Variants in TDRKH observed in about 807,000 individuals in gnomAD.
TDRKH encodes tudor and KH domain containing.
In TDRKH, 28 loss-of-function variants were observed where a neutral mutation model predicts 61.3. The observed-to-expected ratio is 0.46, with a 90% CI of 0.34 to 0.63. The LOEUF (loss-of-function observed/expected upper bound fraction) is 0.63. Among genes scored for constraint, TDRKH ranks in the 20% least tolerant of loss-of-function variants. The probability of loss-of-function intolerance (pLI) is 0.01; values close to 1 mark genes in which losing one functional copy is unlikely to be tolerated. For missense variants in TDRKH, 540 were observed against 683.4 expected, an observed-to-expected ratio of 0.79 and a Z score of 2.34; for synonymous variants, 219 against 244.4, an observed-to-expected ratio of 0.90 and a Z score of 0.97.
At chr1:151,788,726 A>G (rs546112954) in intron 1 of TDRKH, among the ~76,000 whole-genome samples, 1 of 152,298 alleles carries the variant, frequency 6.6e-6, no homozygotes, top group South Asian at 2.1e-4. Flanking sequence ...GGCCAGTCAT[A>G]ATCACACCTC....
At position 151,775,467 on chromosome 1, in the gene TDRKH, G is replaced by T. The variant is rs748046177; in HGVS notation, c.1359C>A (p.Ala453=). 14 of 1,614,010 alleles carry T rather than the reference G, an allele frequency of 8.7e-6. No individual in the cohort carries two copies. The highest frequency in any genetic ancestry group is 1.7e-5 in the Admixed American group (1 of 59,996). Reference sequence around the variant, plus strand: ...CAGTCTGGACATAGCTAGAGATCTTGGCTACCAGAGGCTTCCAGTCAGCAC... The same window carrying T: ...CAGTCTGGACATAGCTAGAGATCTTTGCTACCAGAGGCTTCCAGTCAGCAC... The part of the protein sequence containing the change: ...THCADWKPLV[A]KISSYVQTGI... Residue 453 remains alanine, a synonymous_variant, in exon 10 of 13, where the codon GCC becomes GCA. Coordinates refer to ENST00000368824, the MANE Select transcript of TDRKH (RefSeq NM_001083965.2).
downstream of TDRKH, chr1:151,767,030 A>T (rs1648381614): frequency 7.0e-7 from 1 of 1,422,398 alleles, no homozygotes. Context: ...GAATTTTTCC[A>T]TCTGGTTGGG....
At chr1:151,775,958 C>G in intron 8 of TDRKH, 74 bp from the exon 9 acceptor site, 2 of 1,584,358 alleles carry the variant, frequency 1.3e-6, no homozygotes, top group Non-Finnish European at 1.7e-6. Context: ...TCAGAAAGAA[C>G]CAACTAACAT....
chr1:151,784,094 AG>A (rs1468068736), intron 1 of TDRKH, among the ~76,000 whole-genome samples: 1 of 152,224 alleles, frequency 6.6e-6, no homozygotes, highest in Non-Finnish European at 1.5e-5. Context: ...TCACTAAAAA[AG>A]GAGAGCATTC....
downstream of TDRKH, chr1:151,767,058 AGGCT>A (rs1481223676): frequency 2.1e-5 from 31 of 1,498,996 alleles, no homozygotes; most frequent in Non-Finnish European, 2.5e-5. Flanking sequence ...ACATAGAAAC[AGGCT>A]GGACAACAGA....
chr1:151,787,130 A>G (rs1650387966), intron 1 of TDRKH, among the ~76,000 whole-genome samples: 1 of 152,218 alleles, frequency 6.6e-6, no homozygotes, highest in African/African-American at 2.4e-5. Context: ...TCTTGAATAC[A>G]CACCTCCCAA....
At chr1:151,784,609 C>T (rs571502693) in intron 1 of TDRKH, among the ~76,000 whole-genome samples, 64 of 152,310 alleles carry the variant, frequency 4.2e-4, no homozygotes, top group Admixed American at 2.0e-3. Context: ...TTTCCTCTTT[C>T]CTTTCTGGCT....
chr1:151,771,056 A>G (rs768211915), downstream of TDRKH: 9 of 1,556,282 alleles, frequency 5.8e-6, no homozygotes, highest in Non-Finnish European at 7.8e-6. Context: ...TGTTCTAATC[A>G]TTTGTTCTAT....
chr1:151,766,727 T>C, downstream of TDRKH: 2 of 1,552,144 alleles, frequency 1.3e-6, no homozygotes, highest in Non-Finnish European at 1.7e-6. Flanking sequence ...AAAAACTGCC[T>C]TGTAAGAGGT....
chr1:151,771,427 G>T, downstream of TDRKH: 1 of 1,220,588 alleles, frequency 8.2e-7, no homozygotes, highest in Non-Finnish European at 1.1e-6. Flanking sequence ...AGATCACAGG[G>T]ACCTGAACTA....
At chr1:151,768,799 C>A (rs1473696470), downstream of TDRKH, among the ~76,000 whole-genome samples, 1 of 152,106 alleles carries the variant, frequency 6.6e-6, no homozygotes, top group Admixed American at 6.5e-5. Context: ...TTTTCCTAGG[C>A]AGAGGACCCT....
intron 6 of TDRKH, among the ~76,000 whole-genome samples, chr1:151,776,855 T>C (rs902065659): frequency 1.3e-5 from 2 of 152,234 alleles, no homozygotes; most frequent in Non-Finnish European, 2.9e-5. Flanking sequence ...TCACCAATTA[T>C]ACAGAAGGTA....
At chr1:151,770,326 AG>A, downstream of TDRKH, 1 of 1,547,586 alleles carries the variant, frequency 6.5e-7, no homozygotes, top group Non-Finnish European at 8.7e-7. Flanking sequence ...CCTTTATAGG[AG>A]ACCCTCTTCC....
chr1:151,767,203 C>A (rs201902593), downstream of TDRKH: 196 of 1,613,918 alleles, frequency 1.2e-4, no homozygotes, highest in Non-Finnish European at 1.6e-4. Context: ...ACTCCAGCCC[C>A]GTTCCTGCCT....
intron 8 of TDRKH, 71 bp downstream of exon 8, chr1:151,776,025 C>T (rs1649134062): frequency 6.3e-7 from 1 of 1,575,572 alleles, no homozygotes. Flanking sequence ...CCCCTGACAA[C>T]TGCCAACAGC....
downstream of TDRKH, among the ~76,000 whole-genome samples, chr1:151,772,267 A>AT (rs1297316814): frequency 7.6e-5 from 3 of 39,596 alleles, no homozygotes; most frequent in South Asian, 1.4e-3. Context: ...TGCCTGGCTA[A>AT]TTTTTTTGTA....
downstream of TDRKH, chr1:151,770,236 C>G (rs1335190141): frequency 5.0e-6 from 8 of 1,613,632 alleles, no homozygotes; most frequent in Admixed American, 1.2e-4. Flanking sequence ...TGTGAACTTC[C>G]AGAATGATCG....
At position 151,778,700 on chromosome 1, in the gene TDRKH, T is replaced by C. The variant is rs1182634075; in HGVS notation, c.868A>G (p.Met290Val). The C allele has an allele frequency of 3.7e-6, 6 of 1,613,196 alleles. No homozygotes were observed. Among genetic ancestry groups the C allele is most frequent in the Non-Finnish European group, 5.1e-6 (6 of 1,179,654 alleles). The change falls in exon 6 of 13, where the codon ATG (methionine) becomes GTG (valine). Residue 290 changes from methionine (M) to valine (V), a missense_variant. Physicochemically the swap from Met to Val is conservative, Grantham distance 21. This residue lies in a region of TDRKH where 379 missense variants were observed against 443.8 expected (regional missense o/e 0.85). Coordinates refer to ENST00000368824, the MANE Select transcript of TDRKH (RefSeq NM_001083965.2). ...QKSEAQAIPE[M>V]PMFEIPSPDF... ...TGTTACATACTTTCAAACATGGGCATCTCTGGGATGGCCTGGGCTTCAGAC... is the reference window on the plus strand; with the variant it reads ...TGTTACATACTTTCAAACATGGGCACCTCTGGGATGGCCTGGGCTTCAGAC...
At chr1:151,785,829 T>TA (rs1256570471) in intron 1 of TDRKH, among the ~76,000 whole-genome samples, 4 of 152,104 alleles carry the variant, frequency 2.6e-5, no homozygotes, top group Admixed American at 6.6e-5. Flanking sequence ...TGTAGGTGGT[T>TA]AAAAAAACAC....
Sources: gnomAD v4.1 joint callset for allele counts (sites outside exome capture counted in the v4.1 genomes callset) on GRCh38, gnomAD v4.1.1 for gene constraint, gnomAD v4.1.1 regional missense constraint, MANE v1.5 for transcripts, NCBI Gene and HGNC (gene_info 2026-07-23, HGNC 2026-07-21) for gene names.